The following ZNF385D variants were observed in gnomAD, a reference collection of about 807,000 sequenced individuals.
The protein encoded by ZNF385D is zinc finger protein 659.
In ZNF385D, 15 loss-of-function variants were observed where a neutral mutation model predicts 35.8. The ratio of observed to expected loss-of-function variants is 0.42; its 90% CI spans 0.28 to 0.64. The LOEUF is 0.64. Among genes scored for constraint, ZNF385D ranks in the 30% least tolerant of loss-of-function variants. The pLI, the probability that ZNF385D is intolerant of heterozygous loss-of-function variation, is 0.23. For synonymous variants in ZNF385D, 212 were observed against 186.8 expected, an observed-to-expected ratio of 1.13 and a Z score of -1.10; for missense variants, 474 against 494.6, an observed-to-expected ratio of 0.96 and a Z score of 0.39.
chr3:22,263,958 G>A (rs1479990177), intron 2 of ZNF385D, among the ~76,000 whole-genome samples: 2 of 151,906 alleles, frequency 1.3e-5, no homozygotes, highest in African/African-American at 4.8e-5. Context: ...TATAAGAGAA[G>A]GAATATTCCT....
chr3:21,715,712 C>T (rs184885586), intron 1 of ZNF385D, among the ~76,000 whole-genome samples: 1 of 152,008 alleles, frequency 6.6e-6, no homozygotes, highest in African/African-American at 2.4e-5. Context: ...TATAACTCAC[C>T]AAATTTCTAT....
At chr3:21,604,970 G>A (rs902998518) in intron 2 of ZNF385D, among the ~76,000 whole-genome samples, 2 of 152,222 alleles carry the variant, frequency 1.3e-5, no homozygotes, top group African/African-American at 4.8e-5. Context: ...CTAGAGGATG[G>A]TGAAGAAAGT....
chr3:22,305,239 C>T (rs1016333870), intron 2 of ZNF385D, among the ~76,000 whole-genome samples: 2 of 152,092 alleles, frequency 1.3e-5, no homozygotes, highest in African/African-American at 4.8e-5. Flanking sequence ...TCCTATTTAT[C>T]TCCTTAACAT....
At chr3:21,615,720 G>A (rs12486639) in intron 2 of ZNF385D, among the ~76,000 whole-genome samples, 33 of 151,304 alleles carry the variant, frequency 2.2e-4, no homozygotes, top group Admixed American at 1.8e-3. Context: ...AGGGTTGCAG[G>A]TGGCTAAACT....
intron 3 of ZNF385D, among the ~76,000 whole-genome samples, chr3:21,798,090 G>T (rs902428770): frequency 3.3e-5 from 5 of 152,130 alleles, no homozygotes; most frequent in African/African-American, 1.2e-4. Flanking sequence ...CTCTCTGGTG[G>T]GGGATTTTGA....
intron 2 of ZNF385D, among the ~76,000 whole-genome samples, chr3:22,183,608 G>A (rs71312036): frequency 4.0e-5 from 6 of 151,830 alleles, no homozygotes; most frequent in Admixed American, 3.3e-4. Flanking sequence ...CACCCGCCTC[G>A]GCCTCCCGAG....
intron 7 of ZNF385D, among the ~76,000 whole-genome samples, chr3:21,421,692 C>A (rs554051878): frequency 6.6e-6 from 1 of 152,182 alleles, no homozygotes; most frequent in African/African-American, 2.4e-5. Flanking sequence ...TACTCAGCAA[C>A]CTTATTTTAT....
At chr3:21,750,575 A>G (rs1035111879) in intron 1 of ZNF385D, among the ~76,000 whole-genome samples, 2 of 152,152 alleles carry the variant, frequency 1.3e-5, no homozygotes, top group Non-Finnish European at 2.9e-5. Context: ...ATGACTTCCC[A>G]CGCTGCACTA....
At chr3:21,744,639 TTAACTA>T (rs2069677124) in intron 1 of ZNF385D, among the ~76,000 whole-genome samples, 3 of 152,160 alleles carry the variant, frequency 2.0e-5, no homozygotes. Flanking sequence ...TGAGTTGCTA[TTAACTA>T]TAATTTTGCT....
chr3:21,496,574 T>TGA (rs1420109470), intron 4 of ZNF385D, among the ~76,000 whole-genome samples: 1 of 106,898 alleles, frequency 9.4e-6, no homozygotes, highest in African/African-American at 3.1e-5. Flanking sequence ...GATATATATA[T>TGA]CATATATATA....
At chr3:22,075,816 G>C (rs5847160) in intron 3 of ZNF385D, among the ~76,000 whole-genome samples, 3 of 151,822 alleles carry the variant, frequency 2.0e-5, no homozygotes, top group Non-Finnish European at 4.4e-5. Context: ...CAAACCGCAG[G>C]AACATTTCTA....
At chr3:22,307,218 G>C (rs1405658253) in intron 2 of ZNF385D, among the ~76,000 whole-genome samples, 1 of 152,166 alleles carries the variant, frequency 6.6e-6, no homozygotes. Context: ...GAGGTGGGAA[G>C]TGTTTGAGAG....
intron 2 of ZNF385D, among the ~76,000 whole-genome samples, chr3:21,580,277 G>C (rs1424479376): frequency 1.3e-5 from 2 of 152,158 alleles, no homozygotes; most frequent in Admixed American, 1.3e-4. Flanking sequence ...CTAGGAAGAA[G>C]AAAAGAGCTC....
chr3:22,048,317 CA>C (rs1164062207), intron 3 of ZNF385D, among the ~76,000 whole-genome samples: 1 of 151,942 alleles, frequency 6.6e-6, no homozygotes, highest in Non-Finnish European at 1.5e-5. Context: ...GGGCCATATT[CA>C]AAAAAATCAA....
At chr3:22,203,343 G>A (rs774405106) in intron 2 of ZNF385D, among the ~76,000 whole-genome samples, 7 of 152,044 alleles carry the variant, frequency 4.6e-5, no homozygotes, top group African/African-American at 7.2e-5. Context: ...AGGATTTATC[G>A]CCTGCTGATT....
intron 3 of ZNF385D, among the ~76,000 whole-genome samples, chr3:22,047,246 T>G (rs1699059122): frequency 6.6e-6 from 1 of 152,122 alleles, no homozygotes; most frequent in South Asian, 2.1e-4. Context: ...ACTTTTTTTT[T>G]GTGGTGGTAA....
At chr3:21,949,556 T>TTCTTTC (rs1355013703) in intron 3 of ZNF385D, among the ~76,000 whole-genome samples, 517 of 37,970 alleles carry the variant, frequency 0.014, 1 homozygote, top group African/African-American at 0.038. Flanking sequence ...CTTTCTTTCT[T>TTCTTTC]TTTTTTTTTT....
chr3:22,120,687 G>A (rs1189293041), intron 3 of ZNF385D, among the ~76,000 whole-genome samples: 2 of 152,118 alleles, frequency 1.3e-5, no homozygotes, highest in African/African-American at 2.4e-5. Flanking sequence ...AATTTAGTGA[G>A]TAATAATACA....
rs111593027 is a variant in ZNF385D, at chr3:22,166,182, A to G, written c.325+2635T>C. On this transcript the variant is annotated intron_variant, in intron 3 of 5. Coordinates refer to the ZNF385D transcript ENST00000494108. ...TAACCATGGTTGTTTTTCGTGGCCT[A>G]CATCATGTTACTAATATTAGTAATG... Among the ~76,000 whole-genome samples the G allele has an allele frequency of 6.8e-3, 1,037 of 152,288 alleles. 15 individuals are homozygous for G. Among genetic ancestry groups the G allele is most frequent in the African/African-American group, 0.023 (970 of 41,564 alleles).
Sources: gnomAD v4.1 joint callset for allele counts (sites outside exome capture counted in the v4.1 genomes callset) on GRCh38, gnomAD v4.1.1 for gene constraint, MANE v1.5 for transcripts, NCBI Gene and HGNC (gene_info 2026-07-23, HGNC 2026-07-21) for gene names.